KMT2D: variants seen among roughly 807,000 people sequenced by gnomAD.
KMT2D encodes histone-lysine N-methyltransferase 2D.
KMT2D carries 55 observed loss-of-function variants against 512.7 expected under a neutral mutation model. The observed-to-expected ratio is 0.11, with a 90% CI of 0.09 to 0.13. KMT2D has a LOEUF of 0.13. KMT2D is among the 10% of genes least tolerant of loss of function. KMT2D has a pLI of 1.00. For missense variants in KMT2D, 6,061 were observed against 7,127.9 expected (o/e 0.85, Z 5.39); for synonymous variants, 2,995 against 2,904.0 (o/e 1.03, Z -1.01).
Position 49,053,999 on chromosome 12 carries a change from T to C in KMT2D, c.652A>G (p.Ser218Gly), listed in dbSNP as rs2120703084. ...TCACCCAGATATGCAGCCCCCTCAC[T>C]GTGCTCTGGGCATAGCAGCTGCAGT... Reference protein sequence around the residue: ...KTLQLLCPEHSEGAAYLEEAR... With the variant: ...KTLQLLCPEHGEGAAYLEEAR... Residue 218 changes from serine to glycine, a missense_variant, in exon 6 of 55, where the codon AGT becomes GGT. Coordinates refer to ENST00000301067, the MANE Select transcript of KMT2D (RefSeq NM_003482.4). 1.9e-6 allele frequency: 3 copies of C among 1,613,852 alleles called. No individual in the cohort carries two copies. Among genetic ancestry groups the C allele is most frequent in the Non-Finnish European group, 2.5e-6 (3 of 1,179,836 alleles).
At chr12:49,053,442 G>C (rs1353159777) in intron 7 of KMT2D, 34 bp downstream of exon 7, 1 of 1,610,670 alleles carries the variant, frequency 6.2e-7, no homozygotes, top group South Asian at 1.1e-5. Context: ...CCTGTGTTGT[G>C]CCTAAGACTT....
rs1565797525 is a variant in KMT2D, at chr12:49,041,579, C to G, written c.6235-44G>C. 1 of 1,612,238 alleles carries G rather than the reference C, an allele frequency of 6.2e-7. No individual in the cohort carries two copies. The highest frequency in any genetic ancestry group is 8.5e-7 in the Non-Finnish European group (1 of 1,179,068). ...CATAGGGCAGTCAGGCTGCTGCAGG[C>G]AGGCCCCATGGCCCTCCACCCTCAA... On this transcript the variant is annotated intron_variant, in intron 31 of 54. Coordinates refer to ENST00000301067, the MANE Select transcript of KMT2D (RefSeq NM_003482.4). This position sits in a 1 kb window ranked among gnomAD's most constrained non-coding sequence, Gnocchi z 5.4.
rs1339906244 is a variant in KMT2D at position 49,046,414 on chromosome 12, A to G, written c.4429T>C (p.Cys1477Arg). Residue 1477 changes from cysteine (C) to arginine (R), a missense_variant, in exon 17 of 55, where the codon TGT becomes CGT. Coordinates refer to ENST00000301067, the MANE Select transcript of KMT2D (RefSeq NM_003482.4). The surrounding 1 kb of genome is among the most constrained non-coding windows in gnomAD (Gnocchi z 4.2). ...GGGGAAGCAGCCCCACACTGCATAC[A>G]GGACACACACCTGATAGGAGCAGGA... ...GGWKCKWCVS[C>R]MQCGAASPGF... 6.2e-7 allele frequency: 1 copy of G among 1,613,962 alleles called. No homozygotes were observed. Among genetic ancestry groups the G allele is most frequent in the Non-Finnish European group, 8.5e-7 (1 of 1,179,882 alleles).
chr12:49,052,339 G>A lies in KMT2D; in HGVS notation c.1344C>T (p.Pro448=), dbSNP rs2120685564. Residue 448 remains proline, a synonymous_variant, in exon 11 of 55, where the codon CCC becomes CCT. Transcript: ENST00000301067. ...GTGATTCCTCAGGTGGTGGGGACAG[G>A]GGTGACTCCTCAGGTGGGGGCAGCA... is the stretch of plus-strand genomic sequence containing the variant. ...MPLLPPPEES[P]LSPPPEESPT... The A allele has an allele frequency of 6.4e-7, 1 of 1,564,208 alleles. No homozygotes were observed. The highest frequency in any genetic ancestry group is 8.7e-7 in the Non-Finnish European group (1 of 1,153,066).
rs2120585387 is a variant in KMT2D at position 49,044,544 on chromosome 12, A to T, written c.4964-22T>A. On this transcript the variant is annotated intron_variant, in intron 20 of 54. Coordinates refer to ENST00000301067, the MANE Select transcript of KMT2D (RefSeq NM_003482.4). This position sits in a 1 kb window ranked among gnomAD's most constrained non-coding sequence, Gnocchi z 6.4. ...CCACCTGCGTATGGTGACAGAAGAG[A>T]TGGAGGCAAATCAGAACTATAGGCC... The T allele has an allele frequency of 6.2e-7, 1 of 1,612,352 alleles. No homozygotes were observed. Among genetic ancestry groups the T allele is most frequent in the Non-Finnish European group, 8.5e-7 (1 of 1,179,158 alleles).
In KMT2D at chr12:49,050,596, G is replaced by A. The variant is rs143711798; in HGVS notation, c.2992C>T (p.Pro998Ser). The A allele has an allele frequency of 1.5e-5, 24 of 1,608,044 alleles. No homozygotes were observed. The highest frequency in any genetic ancestry group is 6.7e-5 in the Admixed American group (4 of 59,830). ...CCTGGAGATGGGGGAAGGATCATAGGGGGGACAGGCTCAGGGTCAGTGCAG... is the reference window on the plus strand; with the variant it reads ...CCTGGAGATGGGGGAAGGATCATAGAGGGGACAGGCTCAGGGTCAGTGCAG... ...ANCTDPEPVP[P>S]MILPPSPGSP... The change falls in exon 12 of 55, where the codon CCT becomes TCT. Residue 998 changes from proline (P) to serine (S), a missense_variant. By Grantham distance (74) the Pro-to-Ser change is moderately conservative. Around this residue, in one of 16 missense-constraint regions of KMT2D, gnomAD observed 447 missense variants for 500.1 expected, o/e 0.89. Coordinates refer to ENST00000301067, the MANE Select transcript of KMT2D (RefSeq NM_003482.4).
Position 49,033,744 on chromosome 12 carries a change from C to T in KMT2D, c.10961G>A (p.Gly3654Asp). The change falls in exon 40 of 55, where the codon GGT becomes GAT. Residue 3654 changes from glycine to aspartate, a missense_variant. This residue lies in a region of KMT2D where 1,600 missense variants were observed against 1,754.9 expected (regional missense o/e 0.91). Coordinates refer to ENST00000301067, the MANE Select transcript of KMT2D (RefSeq NM_003482.4). ...CATACCCCCAGGGGTCAGGCGAAGA[C>T]CTCCGGCTTGCCCACCCGGAGGCCC... ...PQGPPGGQAG[G>D]LRLTPGGMAL... 1 of 1,612,956 alleles carries T rather than the reference C, an allele frequency of 6.2e-7. No homozygotes were observed. The highest frequency in any genetic ancestry group is 8.5e-7 in the Non-Finnish European group (1 of 1,179,624).
Position 49,042,828 on chromosome 12 carries a change from G to A in KMT2D, c.5695C>T (p.Leu1899=). Residue 1899 remains leucine (L), a synonymous_variant, in exon 27 of 55, where the codon CTG becomes TTG. Coordinates refer to ENST00000301067, the MANE Select transcript of KMT2D (RefSeq NM_003482.4). This position sits in a 1 kb window ranked among gnomAD's most constrained non-coding sequence, Gnocchi z 4.4. The part of the protein sequence containing the change: ...KDLQQLFKDV[L]GSEREQHLGC... ...AGATGCTGTTCTCGTTCAGAGCCCA[G>A]AACATCCTTGAAGAGCTGCTGCAGG... 1 of 1,613,962 alleles carries A rather than the reference G, an allele frequency of 6.2e-7. No individual in the cohort carries two copies.
chr12:49,042,568 C>T lies in KMT2D; in HGVS notation c.5860G>A (p.Asp1954Asn), dbSNP rs1319081207. 1 of 1,613,782 alleles carries T rather than the reference C, an allele frequency of 6.2e-7. No individual in the cohort carries two copies. Residue 1954 changes from aspartate to asparagine, a missense_variant, in exon 28 of 55, where the codon GAT (aspartate) becomes AAT (asparagine). Around this residue, in one of 16 missense-constraint regions of KMT2D, gnomAD observed 640 missense variants for 814.3 expected, o/e 0.79. Coordinates refer to ENST00000301067, the MANE Select transcript of KMT2D (RefSeq NM_003482.4). The surrounding 1 kb of genome is among the most constrained non-coding windows in gnomAD (Gnocchi z 4.4). ...TTACGCAGAGACACCAACCTAGAAT[C>T]CAGGAACGGGGACTGGCAGAGGCCT... ...YPGLCQSPFL[D>N]SRERGGFFSP...
rs1198770116 is a variant in KMT2D, at chr12:49,051,515, G to A, written c.2168C>T (p.Ser723Leu). Reference protein sequence around the residue: ...DSLMSLPLEESPLLPLPEEPQ... With the variant: ...DSLMSLPLEELPLLPLPEEPQ... Reference sequence around the variant, plus strand: ...CTCCTCAGGTAGTGGCAACAGGGGTGACTCCTCCAGCGGCAGGGACATGAG... The same window carrying A: ...CTCCTCAGGTAGTGGCAACAGGGGTAACTCCTCCAGCGGCAGGGACATGAG... The change falls in exon 11 of 55, where the codon TCA (serine) becomes TTA (leucine). Residue 723 changes from serine (S) to leucine (L), a missense_variant. Ser to Leu is a moderately radical substitution (Grantham distance 145). Coordinates refer to ENST00000301067, the MANE Select transcript of KMT2D (RefSeq NM_003482.4). The A allele has an allele frequency of 6.2e-7, 1 of 1,613,594 alleles. No homozygotes were observed. The highest frequency in any genetic ancestry group is 1.3e-5 in the African/African-American group (1 of 74,892).
intron 48 of KMT2D, 46 bp downstream of exon 48, chr12:49,027,757 A>G (rs1198405832): frequency 6.4e-7 from 1 of 1,551,718 alleles, no homozygotes; most frequent in Admixed American, 2.0e-5. Flanking sequence ...CCTGGCCGGC[A>G]GCCCCTTTTT....
rs1943329950 is a variant in KMT2D at position 49,038,467 on chromosome 12, C to T, written c.8889G>A (p.Leu2963=). ...CAGTGCTCGACGGGGGCCGGTTGAC[C>T]AGCTCCAAACCAGTTGGCAGGGTAG... ...KGPTLPTGLE[L]VNRPPSSTEL... The change falls in exon 35 of 55, where the codon CTG becomes CTA. Residue 2963 remains leucine, a synonymous_variant. Transcript: ENST00000301067. This position sits in a 1 kb window ranked among gnomAD's most constrained non-coding sequence, Gnocchi z 5.7. The T allele has an allele frequency of 1.2e-6, 2 of 1,608,022 alleles. No individual in the cohort carries two copies. Among genetic ancestry groups the T allele is most frequent in the African/African-American group, 1.3e-5 (1 of 74,680 alleles).
chr12:49,021,797 G>A lies in KMT2D; in HGVS notation c.16597C>T (p.Arg5533Trp), dbSNP rs2137702866. The change falls in exon 55 of 55, where the codon CGG becomes TGG. Residue 5533 changes from arginine (R) to tryptophan (W), a missense_variant. Transcript: ENST00000301067. ...AAAGCTTCTTAGTTCATCCATTTCC[G>A]ACAATTCCAGGCTCCACAGTGGCAG... is the stretch of plus-strand genomic sequence containing the variant. The part of the protein sequence containing the change: ...IPCHCGAWNC[R>W]KWMN The A allele has an allele frequency of 1.9e-6, 3 of 1,613,780 alleles. No individual in the cohort carries two copies. Among genetic ancestry groups the A allele is most frequent in the Non-Finnish European group, 2.5e-6 (3 of 1,179,662 alleles).
At position 49,021,369 on chromosome 12, in the gene KMT2D, T is replaced by C. The variant is rs910120812; in HGVS notation, c.*411A>G. 7.4e-6 allele frequency: 2 copies of C among 269,050 alleles called. No homozygotes were observed. The highest frequency in any genetic ancestry group is 1.4e-5 in the Non-Finnish European group (2 of 140,812). 16.7% of individuals were successfully genotyped at this position (269,050 alleles called of 1,614,324 possible). Reference sequence around the variant, plus strand: ...GATTGTCAAGCTTAGTCAAGTCTCTTTGCAGCCGTGAGTTGGGCCGGAGAG... The same window carrying C: ...GATTGTCAAGCTTAGTCAAGTCTCTCTGCAGCCGTGAGTTGGGCCGGAGAG... On this transcript the variant is annotated 3_prime_UTR_variant, in exon 55 of 55. Coordinates refer to ENST00000301067, the MANE Select transcript of KMT2D (RefSeq NM_003482.4).
At position 49,053,044 on chromosome 12, in the gene KMT2D, G is replaced by A. The variant is rs373271756; in HGVS notation, c.983C>T (p.Ala328Val). The change falls in exon 9 of 55, where the codon GCG becomes GTG. Residue 328 changes from alanine to valine, a missense_variant. Ala to Val is a moderately conservative substitution (Grantham distance 64). Around this residue, in one of 16 missense-constraint regions of KMT2D, gnomAD observed 848 missense variants for 838.5 expected, o/e 1.01. Coordinates refer to ENST00000301067, the MANE Select transcript of KMT2D (RefSeq NM_003482.4). ...KACRVCRACGAGSAELNPNSE... is the reference protein window; with the variant it reads ...KACRVCRACGVGSAELNPNSE... ...GTTGGGATTCAGTTCTGCTGAGCCC[G>A]CCCCACAGGCCCGGCACACCCGGCA... is the stretch of plus-strand genomic sequence containing the variant. 2.5e-5 allele frequency: 41 copies of A among 1,613,930 alleles called. No individual in the cohort carries two copies. The highest frequency in any genetic ancestry group is 1.6e-4 in the Middle Eastern group (1 of 6,084).
chr12:49,038,409 C>G lies in KMT2D; in HGVS notation c.8947G>C (p.Ala2983Pro), dbSNP rs1232371065. Residue 2983 changes from alanine to proline, a missense_variant, in exon 35 of 55, where the codon GCT becomes CCT. Physicochemically the swap from Ala to Pro is conservative, Grantham distance 27 (BLOSUM62 -1). Transcript: ENST00000301067. The surrounding 1 kb of genome is among the most constrained non-coding windows in gnomAD (Gnocchi z 5.7). ...GGATCCTCACAGGGCAACTTCCCAG[C>G]TTCCAGGGCCAGAGGATTGGGGCGG... is the stretch of plus-strand genomic sequence containing the variant. ...LGRPNPLALEAGKLPCEDPEL... is the reference protein window; with the variant it reads ...LGRPNPLALEPGKLPCEDPEL... The G allele has an allele frequency of 6.2e-7, 1 of 1,613,716 alleles. No homozygotes were observed. The highest frequency in any genetic ancestry group is 8.5e-7 in the Non-Finnish European group (1 of 1,179,704).
chr12:49,052,102 G>A lies in KMT2D; in HGVS notation c.1581C>T (p.Pro527=), dbSNP rs2120681151. The A allele has an allele frequency of 6.2e-7, 1 of 1,612,326 alleles. No homozygotes were observed. The highest frequency in any genetic ancestry group is 8.5e-7 in the Non-Finnish European group (1 of 1,179,404). Residue 527 remains proline (P), a synonymous_variant, in exon 11 of 55, where the codon CCC becomes CCT. Coordinates refer to ENST00000301067, the MANE Select transcript of KMT2D (RefSeq NM_003482.4). ...ESPLSPPEES[P]PSPALETPLS... ...GAGGCGTCTCAAGTGCAGGAGATGG[G>A]GGTGACTCTTCCGGTGGAGACAAGG...
In KMT2D at chr12:49,041,262, G is replaced by C. The variant is rs758743247; in HGVS notation, c.6508C>G (p.Gln2170Glu). ...FLKLPPQVPA[Q>E]VPSQDPFGLA... ...CCAAAGGGGTCCTGCGAAGGCACTT[G>C]GGCGGGCACCTGGGGTGGGAGCTTG... is the stretch of plus-strand genomic sequence containing the variant. The change falls in exon 32 of 55, where the codon CAA (glutamine) becomes GAA (glutamate). Residue 2170 changes from glutamine (Q) to glutamate (E), a missense_variant. This residue lies in a region of KMT2D where 710 missense variants were observed against 647.3 expected (regional missense o/e 1.10). Coordinates refer to ENST00000301067, the MANE Select transcript of KMT2D (RefSeq NM_003482.4). The surrounding 1 kb of genome is among the most constrained non-coding windows in gnomAD (Gnocchi z 5.4). 7.4e-5 allele frequency: 113 copies of C among 1,517,940 alleles called. No individual in the cohort carries two copies. Among genetic ancestry groups the C allele is most frequent in the Non-Finnish European group, 9.5e-5 (108 of 1,137,202 alleles). The allele number at this position is 1,517,940 out of a possible 1,614,324, so 94.0% of individuals were successfully genotyped here.
In KMT2D at chr12:49,051,084, G is replaced by A. The variant is rs1290951918; in HGVS notation, c.2599C>T (p.Pro867Ser). 2 of 1,524,190 alleles carry A rather than the reference G, an allele frequency of 1.3e-6. No individual in the cohort carries two copies. Among genetic ancestry groups the A allele is most frequent in the South Asian group, 2.6e-5 (2 of 75,690 alleles). 94.4% of individuals were successfully genotyped at this position (1,524,190 alleles called of 1,614,324 possible). Residue 867 changes from proline (P) to serine (S), a missense_variant, in exon 11 of 55, where the codon CCC (proline) becomes TCC (serine). Coordinates refer to ENST00000301067, the MANE Select transcript of KMT2D (RefSeq NM_003482.4). The part of the protein sequence containing the change: ...KPPLSPRPEK[P>S]PEEPGQCPAP... ...GGGCATTGGCCTGGCTCCTCAGGGG[G>A]CTTTTCAGGCCGAGGGGACAGGGGT...
Sources: allele counts gnomAD v4.1 joint callset, GRCh38; gene constraint gnomAD v4.1.1; regional missense constraint gnomAD v4.1.1; non-coding constraint Gnocchi (gnomAD v3.1); transcripts MANE v1.5; gene names NCBI Gene and HGNC (gene_info 2026-07-23, HGNC 2026-07-21).